The following SLC35F2 variants were observed in gnomAD, a reference collection of about 807,000 sequenced individuals.
The protein encoded by SLC35F2 is solute carrier family 35 member F2, also known as queuine/queuosine transporter SLC35F2.
Under a neutral mutation model 38.1 loss-of-function variants are expected in SLC35F2, and 25 were observed. The ratio of observed to expected loss-of-function variants is 0.66; its 90% CI spans 0.48 to 0.92. The LOEUF (loss-of-function observed/expected upper bound fraction) is 0.92, where lower values mean the gene tolerates loss of function less well. Ranked by LOEUF, SLC35F2 falls within the 40% of genes least tolerant of loss-of-function variation. The pLI is 0.00. For missense variants in SLC35F2, 409 were observed against 452.9 expected, an observed-to-expected ratio of 0.90 and a Z score of 0.88; for synonymous variants, 173 against 181.7, an observed-to-expected ratio of 0.95 and a Z score of 0.38.
chr11:107,834,349 T>C (rs1237295575), intron 1 of SLC35F2, among the ~76,000 whole-genome samples: 1 of 152,050 alleles, frequency 6.6e-6, no homozygotes, highest in Non-Finnish European at 1.5e-5. Context: ...CATCCAAACG[T>C]TGACGAAAAT....
chr11:107,816,447 ATTT>A (rs5794572), intron 1 of SLC35F2, among the ~76,000 whole-genome samples: 1 of 118,302 alleles, frequency 8.5e-6, no homozygotes, highest in African/African-American at 3.5e-5. Context: ...TGCCCAGCTA[ATTT>A]TTTTTTTTTT....
chr11:107,805,610 A>G, intron 4 of SLC35F2, 95 bp from the exon 5 acceptor site: 2 of 1,480,846 alleles, frequency 1.4e-6, no homozygotes, highest in Non-Finnish European at 1.8e-6. Flanking sequence ...GTTCATTTAA[A>G]TGACACTAAA....
At chr11:107,843,512 T>G (rs1160066934) in intron 1 of SLC35F2, among the ~76,000 whole-genome samples, 1 of 148,792 alleles carries the variant, frequency 6.7e-6, no homozygotes, top group Non-Finnish European at 1.5e-5. Context: ...ATCGCACCAT[T>G]GCACTCCAGC....
At position 107,819,045 on chromosome 11, in the gene SLC35F2, G is replaced by T. The variant is rs76305146; in HGVS notation, c.111-3080C>A. Among the ~76,000 whole-genome samples the T allele has an allele frequency of 4.7e-3, 711 of 152,296 alleles. 4 individuals carry two copies. Among genetic ancestry groups the T allele is most frequent in the African/African-American group, 0.016 (670 of 41,572 alleles). On this transcript the variant is annotated intron_variant, in intron 1 of 7. Transcript: ENST00000525815. ...ATCTCCTCAGTACTCAGGATGACCT[G>T]ATGGGAGCCATCTAAGGCATCTGGA...
intron 1 of SLC35F2, among the ~76,000 whole-genome samples, chr11:107,834,930 T>G (rs1022461332): frequency 1.3e-5 from 2 of 152,220 alleles, no homozygotes; most frequent in Non-Finnish European, 2.9e-5. Flanking sequence ...AATCATATTG[T>G]CCACACTACT....
chr11:107,804,426 G>C (rs186389653), intron 6 of SLC35F2, among the ~76,000 whole-genome samples: 30 of 152,262 alleles, frequency 2.0e-4, no homozygotes, highest in Non-Finnish European at 4.0e-4. Flanking sequence ...GAGGACCCAA[G>C]ATACAGATCT....
chr11:107,820,526 G>C (rs924581781), intron 1 of SLC35F2, among the ~76,000 whole-genome samples: 1 of 152,082 alleles, frequency 6.6e-6, no homozygotes, highest in Non-Finnish European at 1.5e-5. Context: ...ACAGTCTTGG[G>C]ATAACAGGTG....
intron 1 of SLC35F2, among the ~76,000 whole-genome samples, chr11:107,841,166 T>A (rs1000196337): frequency 4.6e-5 from 7 of 152,196 alleles, no homozygotes; most frequent in Non-Finnish European, 1.0e-4. Context: ...TCAGGTGGGA[T>A]CTTTAAATCC....
intron 1 of SLC35F2, chr11:107,816,283 T>C (rs1358119707): frequency 2.0e-6 from 2 of 983,276 alleles, no homozygotes; most frequent in Non-Finnish European, 1.2e-6. Flanking sequence ...TGTGTGTGTG[T>C]ATGACTTTTT....
At chr11:107,804,653 A>C (rs1362738746) in intron 6 of SLC35F2, 65 bp downstream of exon 6, 1 of 1,158,800 alleles carries the variant, frequency 8.6e-7, no homozygotes, top group African/African-American at 1.6e-5. Flanking sequence ...AATAAAGCAC[A>C]TATTTCTAGA....
intron 1 of SLC35F2, among the ~76,000 whole-genome samples, chr11:107,857,942 G>A (rs1860320190): frequency 6.6e-6 from 1 of 152,148 alleles, no homozygotes; most frequent in Non-Finnish European, 1.5e-5. Context: ...CCCAATAAAT[G>A]TCTTTCACTA....
At chr11:107,855,410 T>C (rs1565444224) in intron 1 of SLC35F2, among the ~76,000 whole-genome samples, 1 of 152,150 alleles carries the variant, frequency 6.6e-6, no homozygotes, top group South Asian at 2.1e-4. Flanking sequence ...CCCAGCACTT[T>C]GGGAGGCCGA....
At chr11:107,828,845 G>A (rs1859793345) in intron 1 of SLC35F2, among the ~76,000 whole-genome samples, 1 of 152,140 alleles carries the variant, frequency 6.6e-6, no homozygotes, top group African/African-American at 2.4e-5. Context: ...AGTGACTCAT[G>A]CCTGTAATCC....
At chr11:107,857,163 G>C (rs1860304295) in intron 1 of SLC35F2, among the ~76,000 whole-genome samples, 1 of 136,926 alleles carries the variant, frequency 7.3e-6, no homozygotes, top group Non-Finnish European at 1.6e-5. Context: ...CTGGAGCACA[G>C]AGAAGTTAAG....
At chr11:107,816,007 T>C (rs1456041509) in intron 1 of SLC35F2, 42 bp from the exon 2 acceptor site, 1 of 1,511,012 alleles carries the variant, frequency 6.6e-7, no homozygotes, top group Admixed American at 1.9e-5. Flanking sequence ...TGCAAATAAG[T>C]TATACCTTAC....
Position 107,850,881 on chromosome 11 carries a change from C to T in SLC35F2, c.110+7777G>A, listed in dbSNP as rs12279096. Among the ~76,000 whole-genome samples, 772 of 151,948 alleles carry T rather than the reference C, an allele frequency of 5.1e-3. 8 individuals are homozygous for T. The highest frequency in any genetic ancestry group is 0.017 in the African/African-American group (719 of 41,442). On this transcript the variant is annotated intron_variant, in intron 1 of 7. Coordinates refer to ENST00000525815, the MANE Select transcript of SLC35F2 (RefSeq NM_017515.5). ...GGCTGAGGTTGATTGGGCACAGTGT[C>T]TCACACCTGTAATCCCAGCACTTTG...
chr11:107,830,453 G>A (rs1017731170), intron 1 of SLC35F2, among the ~76,000 whole-genome samples: 11 of 151,856 alleles, frequency 7.2e-5, no homozygotes, highest in African/African-American at 2.4e-4. Context: ...GCATGGTGGT[G>A]GATGCCTGTA....
chr11:107,791,598 G>C lies in SLC35F2; in HGVS notation c.*1017C>G, dbSNP rs1249908000. 4 of 152,200 alleles carry C rather than the reference G, an allele frequency of 2.6e-5. No homozygotes were observed. Among genetic ancestry groups the C allele is most frequent in the Non-Finnish European group, 4.4e-5 (3 of 68,062 alleles). 9.4% of individuals were successfully genotyped at this position (152,200 alleles called of 1,614,324 possible). The stretch of plus-strand genomic sequence containing the variant: ...TTAAACAAACAAACAAACAGGCCAG[G>C]CACAGTGGTTCACATCTGTAATCCT... On this transcript the variant is annotated 3_prime_UTR_variant, in exon 8 of 8. Coordinates refer to ENST00000525815, the MANE Select transcript of SLC35F2 (RefSeq NM_017515.5).
chr11:107,845,511 A>T (rs1302682837), intron 1 of SLC35F2, among the ~76,000 whole-genome samples: 1 of 152,008 alleles, frequency 6.6e-6, no homozygotes, highest in Non-Finnish European at 1.5e-5. Flanking sequence ...ACAAAGTGAG[A>T]CCCCATCTCC....
Sources: gnomAD v4.1 joint callset for allele counts (sites outside exome capture counted in the v4.1 genomes callset) on GRCh38, gnomAD v4.1.1 for gene constraint, MANE v1.5 for transcripts, NCBI Gene and HGNC (gene_info 2026-07-23, HGNC 2026-07-21) for gene names.